The following IL6ST variants were observed in gnomAD, a reference collection of about 807,000 sequenced individuals.
The protein encoded by IL6ST is interleukin 6 cytokine family signal transducer, also known as interleukin-6 receptor subunit beta.
A neutral mutation model predicts 91.3 loss-of-function variants in IL6ST; 24 were observed. The observed-to-expected ratio is 0.26, with a 90% confidence interval of 0.19 to 0.37. The LOEUF is 0.37. Among genes scored for constraint, IL6ST ranks in the 10% least tolerant of loss-of-function variants. The probability of loss-of-function intolerance (pLI) is 1.00; values close to 1 mark genes in which losing one functional copy is unlikely to be tolerated. For missense variants in IL6ST, 914 were observed against 1,078.5 expected (o/e 0.85, Z 2.14); for synonymous variants, 351 against 373.6 (o/e 0.94, Z 0.70).
chr5:55,992,803 A>C (rs972801478), intron 1 of IL6ST, among the ~76,000 whole-genome samples: 2 of 152,128 alleles, frequency 1.3e-5, no homozygotes, highest in Admixed American at 1.3e-4. Flanking sequence ...CCAATCCTTA[A>C]ACGATCATTC....
chr5:55,984,367 AT>A (rs1245920221), intron 1 of IL6ST, among the ~76,000 whole-genome samples: 1 of 152,208 alleles, frequency 6.6e-6, no homozygotes, highest in Non-Finnish European at 1.5e-5. Context: ...GTAGCACAAA[AT>A]GTTACTCTAT....
chr5:55,964,400 G>C, intron 5 of IL6ST, 88 bp from the exon 6 acceptor site: 2 of 828,116 alleles, frequency 2.4e-6, no homozygotes, highest in Non-Finnish European at 3.8e-6. Flanking sequence ...AGTTTGATGA[G>C]ACCTAGATTG....
chr5:55,965,785 A>G (rs1246638648), intron 5 of IL6ST, among the ~76,000 whole-genome samples: 1 of 150,358 alleles, frequency 6.7e-6, no homozygotes, highest in African/African-American at 2.5e-5. Flanking sequence ...ACTTCACTAC[A>G]GCCTGGTCAA....
At position 55,985,057 on chromosome 5, in the gene IL6ST, G is replaced by A. The variant is rs910830356; in HGVS notation, c.-103-2246C>T. On this transcript the variant is annotated intron_variant, in intron 1 of 16. Coordinates refer to ENST00000381298, the MANE Select transcript of IL6ST (RefSeq NM_002184.4). ...CATTAAGTTTTGAAAGTTCTAAGAA[G>A]ATATTCTGGCCTTTATTAGAAAATG... 3.3e-5 allele frequency among the ~76,000 whole-genome samples: 5 copies of A among 152,300 alleles called. No homozygotes were observed. The South Asian group carries it at 6.2e-4, about 19-fold the overall frequency.
Position 55,947,551 on chromosome 5 carries a change from A to C in IL6ST, c.1879T>G (p.Leu627Val), listed in dbSNP as rs1751344715. 1 of 1,589,678 alleles carries C rather than the reference A, an allele frequency of 6.3e-7. No individual in the cohort carries two copies. The highest frequency in any genetic ancestry group is 8.6e-7 in the Non-Finnish European group (1 of 1,166,434). The change falls in exon 15 of 17, where the codon TTA becomes GTA. Residue 627 changes from leucine (L) to valine (V), a missense_variant. Coordinates refer to ENST00000381298, the MANE Select transcript of IL6ST (RefSeq NM_002184.4). ...EIEAIVVPVCLAFLLTTLLGV... is the reference protein window; with the variant it reads ...EIEAIVVPVCVAFLLTTLLGV... The stretch of plus-strand genomic sequence containing the variant: ...AGAAGAGTTGTCAATAGGAATGCTA[A>C]GCAAACAGGCACGACTATGGCTTCA...
chr5:55,969,461 A>G (rs3729959), intron 4 of IL6ST, 89 bp downstream of exon 4: 16,171 of 872,848 alleles, frequency 0.019, 311 homozygotes, highest in African/African-American at 0.087. Context: ...TCCACAAGTT[A>G]CTACATTTTA....
chr5:55,947,458 G>T, intron 15 of IL6ST, 35 bp downstream of exon 15: 1 of 1,138,944 alleles, frequency 8.8e-7, no homozygotes, highest in Non-Finnish European at 1.3e-6. Flanking sequence ...AATAAAGCTG[G>T]GGGAAAATGC....
chr5:55,947,579 T>C lies in IL6ST; in HGVS notation c.1851A>G (p.Glu617=), dbSNP rs756197545. ...TFTTPKFAQG[E]IEAIVVPVCL... Reference sequence around the variant, plus strand: ...AAACAGGCACGACTATGGCTTCAATTTCTCCTTGAGCTTAAAAAAAAAAAA... The same window carrying C: ...AAACAGGCACGACTATGGCTTCAATCTCTCCTTGAGCTTAAAAAAAAAAAA... The change falls in exon 15 of 17, where the codon GAA becomes GAG. Residue 617 remains glutamate, a synonymous_variant. Transcript: ENST00000381298. The C allele has an allele frequency of 7.3e-7, 1 of 1,371,752 alleles. No homozygotes were observed. Among genetic ancestry groups the C allele is most frequent in the East Asian group, 2.3e-5 (1 of 42,990 alleles). The allele number at this position is 1,371,752 out of a possible 1,614,324, so 85.0% of individuals were successfully genotyped here.
chr5:55,983,996 C>T (rs1331585463), intron 1 of IL6ST, among the ~76,000 whole-genome samples: 1 of 150,132 alleles, frequency 6.7e-6, no homozygotes, highest in Non-Finnish European at 1.5e-5. Context: ...GTTTCTTATA[C>T]CCCTTTACTG....
intron 5 of IL6ST, among the ~76,000 whole-genome samples, chr5:55,966,174 C>A (rs1014260534): frequency 1.3e-5 from 2 of 152,134 alleles, no homozygotes; most frequent in Non-Finnish European, 2.9e-5. Context: ...CTGCTCAAAG[C>A]TGTAAGGGAA....
chr5:55,968,323 A>G lies in IL6ST; in HGVS notation c.444T>C (p.Gly148=). The G allele has an allele frequency of 1.2e-6, 2 of 1,602,818 alleles. No individual in the cohort carries two copies. The highest frequency in any genetic ancestry group is 1.7e-6 in the Non-Finnish European group (2 of 1,176,556). ...EGKKMRCEWD[G]GRETHLETNF... is the part of the protein sequence containing the mutation. ...TTGTCTCCAAGTGTGTTTCCCTTCC[A>G]CCATCCCACTCACACCTCATTTTCT... is the stretch of plus-strand genomic sequence containing the variant. The change falls in exon 5 of 17, where the codon GGT becomes GGC. Residue 148 remains glycine (G), a synonymous_variant. Transcript: ENST00000381298.
chr5:55,935,280 C>CT lies in IL6ST; in HGVS notation c.*5801dup, dbSNP rs1491090544. The CT allele has an allele frequency of 2.6e-5, 5 of 188,870 alleles. No individual in the cohort carries two copies. The highest frequency in any genetic ancestry group is 1.2e-4 in the African/African-American group (5 of 42,796). The allele number at this position is 188,870 out of a possible 1,614,324, so 11.7% of individuals were successfully genotyped here. A position where few individuals can be genotyped will look rare whatever the true frequency, so the allele number is the denominator to read the frequency against. ...ATAAGAAATGACAATTCTAGATACA[C>CT]TTTTTTGACATGTAAAATGACATAA... On this transcript the variant is annotated 3_prime_UTR_variant, in exon 17 of 17. Coordinates refer to ENST00000381298, the MANE Select transcript of IL6ST (RefSeq NM_002184.4).
In IL6ST at chr5:55,946,928, C is replaced by A. The variant is rs531983352; in HGVS notation, c.1937+565G>T. On this transcript the variant is annotated intron_variant, in intron 15 of 16. Transcript: ENST00000381298. The stretch of plus-strand genomic sequence containing the variant: ...TATGTGATTCTATTTATATAAAATT[C>A]TTGGCCGTGGCTCACACCTGTAATC... Among the ~76,000 whole-genome samples the A allele has an allele frequency of 2.6e-5, 4 of 151,912 alleles. No individual in the cohort carries two copies. The South Asian group carries it at 6.2e-4, about 24-fold the overall frequency.
At chr5:55,984,337 A>G (rs1306176039) in intron 1 of IL6ST, among the ~76,000 whole-genome samples, 1 of 152,212 alleles carries the variant, frequency 6.6e-6, no homozygotes, top group African/African-American at 2.4e-5. Context: ...CCCAAAAAAT[A>G]TGTTGAAGTC....
chr5:55,976,228 G>C lies in IL6ST; in HGVS notation c.51C>G (p.Thr17=). Reference sequence around the variant, plus strand: ...CATGAACCTTACCTGTAGATTCAGTGGTGAGGAAAATAAACAAGGCTTGCA... The same window carrying C: ...CATGAACCTTACCTGTAGATTCAGTCGTGAGGAAAATAAACAAGGCTTGCA... The part of the protein sequence containing the change: ...WLVQALFIFL[T]TESTGELLDP... The change falls in exon 3 of 17, where the codon ACC becomes ACG. Residue 17 remains threonine (T), a synonymous_variant. Coordinates refer to ENST00000381298, the MANE Select transcript of IL6ST (RefSeq NM_002184.4). 1 of 1,580,280 alleles carries C rather than the reference G, an allele frequency of 6.3e-7. No individual in the cohort carries two copies. Among genetic ancestry groups the C allele is most frequent in the Non-Finnish European group, 8.6e-7 (1 of 1,161,342 alleles).
chr5:55,992,011 A>C (rs973555066), intron 1 of IL6ST, among the ~76,000 whole-genome samples: 1 of 152,210 alleles, frequency 6.6e-6, no homozygotes, highest in African/African-American at 2.4e-5. Context: ...ACTTCCTCTA[A>C]CATACCTTGT....
At chr5:55,979,009 T>C (rs1753484237) in intron 2 of IL6ST, among the ~76,000 whole-genome samples, 2 of 152,210 alleles carry the variant, frequency 1.3e-5, no homozygotes. Context: ...GGATAAATTA[T>C]GGTATATTCA....
chr5:55,973,999 T>C (rs1383109378), intron 3 of IL6ST, among the ~76,000 whole-genome samples: 3 of 152,082 alleles, frequency 2.0e-5, no homozygotes, highest in Non-Finnish European at 2.9e-5. Flanking sequence ...TAATAAGAAA[T>C]ATACATTGGG....
At chr5:55,964,343 TAA>T in intron 5 of IL6ST, 31 bp from the exon 6 acceptor site, 1 of 1,518,426 alleles carries the variant, frequency 6.6e-7, no homozygotes, top group East Asian at 2.4e-5. Flanking sequence ...AATCAGTCAT[TAA>T]AAACACATCT....
Sources: gnomAD v4.1 joint callset for allele counts (sites outside exome capture counted in the v4.1 genomes callset) on GRCh38, gnomAD v4.1.1 for gene constraint, MANE v1.5 for transcripts, NCBI Gene and HGNC (gene_info 2026-07-23, HGNC 2026-07-21) for gene names.